The following CCDC150 variants were observed in gnomAD, a reference collection of about 807,000 sequenced individuals.
The protein encoded by CCDC150 is coiled-coil domain-containing protein 150.
In CCDC150, 151 loss-of-function variants were observed where a neutral mutation model predicts 156.5. That is an observed-to-expected ratio of 0.97 (90% CI 0.85 to 1.10). CCDC150 has a LOEUF of 1.10. CCDC150 is among the 50% of genes least tolerant of loss of function. The probability of loss-of-function intolerance (pLI) is 0.00; values close to 1 mark genes in which losing one functional copy is unlikely to be tolerated. For synonymous variants in CCDC150, 452 were observed against 429.4 expected (o/e 1.05, Z -0.65); for missense variants, 1,312 against 1,268.1 (o/e 1.03, Z -0.53).
At chr2:196,682,933 C>T (rs1694926222) in intron 13 of CCDC150, among the ~76,000 whole-genome samples, 1 of 151,888 alleles carries the variant, frequency 6.6e-6, no homozygotes, top group African/African-American at 2.4e-5. Flanking sequence ...GTCTCGAACT[C>T]CTGGGCTCTC....
rs552160594 is a variant in CCDC150, at chr2:196,711,638, C to A, written c.1696-507C>A. Among the ~76,000 whole-genome samples the A allele has an allele frequency of 2.2e-4, 33 of 152,162 alleles. 1 individual carries two copies. The South Asian group carries it at 6.9e-3, about 32-fold the overall frequency. The stretch of plus-strand genomic sequence containing the variant: ...TATGAATTAGTTTTAAAATATAATT[C>A]AACATATAAGAATTCCATTTATTCA... On this transcript the variant is annotated intron_variant, in intron 15 of 27. Transcript: ENST00000389175.
intron 13 of CCDC150, among the ~76,000 whole-genome samples, chr2:196,685,403 C>T (rs1226538409): frequency 6.6e-6 from 1 of 152,080 alleles, no homozygotes; most frequent in African/African-American, 2.4e-5. Flanking sequence ...AATCCAAACC[C>T]CATCAAAAAT....
chr2:196,669,961 CT>C, intron 8 of CCDC150, 85 bp downstream of exon 8: 2 of 946,966 alleles, frequency 2.1e-6, no homozygotes, highest in Non-Finnish European at 1.6e-6. Context: ...GCTTACAGTG[CT>C]TCTTACTCTC....
At position 196,732,494 on chromosome 2, in the gene CCDC150, C is replaced by T. The variant is rs747585654; in HGVS notation, c.3238C>T (p.Arg1080Ter). 4 of 1,613,668 alleles carry T rather than the reference C, an allele frequency of 2.5e-6. No individual in the cohort carries two copies. The highest frequency in any genetic ancestry group is 3.4e-6 in the Non-Finnish European group (4 of 1,179,734). The change falls in exon 28 of 28, where the codon CGA (arginine) becomes TGA (stop). Residue 1080 changes from arginine to a stop codon, truncating the protein, a stop_gained. Coordinates refer to ENST00000389175, the MANE Select transcript of CCDC150 (RefSeq NM_001080539.2). LOFTEE classifies it high-confidence loss of function. ...CATGTCCAACCAATCTGTTCTGCAT[C>T]GATGGGAGAGAAAACAGAATCTTAG... The part of the protein sequence containing the change: ...DVMSNQSVLH[R>*]WERKQNLRPM...
At chr2:196,681,140 C>T (rs966718441) in intron 13 of CCDC150, among the ~76,000 whole-genome samples, 1 of 152,176 alleles carries the variant, frequency 6.6e-6, no homozygotes, top group East Asian at 1.9e-4. Flanking sequence ...CCCCTGACAA[C>T]AACTAGTTGA....
At chr2:196,692,296 G>A (rs1258417444) in intron 13 of CCDC150, among the ~76,000 whole-genome samples, 9 of 150,548 alleles carry the variant, frequency 6.0e-5, no homozygotes, top group South Asian at 2.1e-4. Context: ...CACCGCGCCC[G>A]GCTAATTTTT....
intron 15 of CCDC150, 113 bp downstream of exon 15, chr2:196,701,293 GTC>G (rs1254273202): frequency 1.4e-6 from 1 of 738,964 alleles, no homozygotes; most frequent in Non-Finnish European, 2.2e-6. Context: ...TAAGTCTATA[GTC>G]TCTGAACATC....
chr2:196,673,706 A>T (rs1694336998), intron 9 of CCDC150, among the ~76,000 whole-genome samples: 1 of 152,190 alleles, frequency 6.6e-6, no homozygotes, highest in Non-Finnish European at 1.5e-5. Context: ...CAAATTATGA[A>T]AAGAGAATTA....
chr2:196,639,905 G>GAGGTCCAGGGAGT, intron 1 of CCDC150, 127 bp downstream of exon 1: 5 of 822,752 alleles, frequency 6.1e-6, no homozygotes, highest in Non-Finnish European at 8.5e-6. Flanking sequence ...CTCACTCCCT[G>GAGGTCCAGGGAGT]GACCTCAGGG....
At chr2:196,713,553 C>G (rs1697285608) in intron 17 of CCDC150, 1 of 1,550,088 alleles carries the variant, frequency 6.5e-7, no homozygotes. Flanking sequence ...ATTGGAGACT[C>G]TAGGATCTCT....
intron 17 of CCDC150, chr2:196,713,319 G>C (rs1697263409): frequency 7.0e-7 from 1 of 1,433,006 alleles, no homozygotes. Flanking sequence ...AATAACTCTA[G>C]GTTTAGCTGA....
chr2:196,713,254 G>A (rs953204868), intron 17 of CCDC150: 3 of 1,328,292 alleles, frequency 2.3e-6, no homozygotes, highest in African/African-American at 1.5e-5. Context: ...TTTCCATTAC[G>A]GCTCCTTCTA....
At chr2:196,669,134 C>CT (rs1694041979) in intron 7 of CCDC150, among the ~76,000 whole-genome samples, 1 of 152,132 alleles carries the variant, frequency 6.6e-6, no homozygotes, top group Admixed American at 6.5e-5. Context: ...GGTTTCAAAT[C>CT]TTTTTTTCTG....
At chr2:196,697,166 G>A (rs773812557) in intron 14 of CCDC150, among the ~76,000 whole-genome samples, 20 of 152,120 alleles carry the variant, frequency 1.3e-4, no homozygotes, top group Non-Finnish European at 2.4e-4. Context: ...TACATAATAG[G>A]TGCTTTAAAA....
rs185179541 is a variant in CCDC150, at chr2:196,688,376, C to A, written c.1510-6670C>A. Among the ~76,000 whole-genome samples, 225 of 152,208 alleles carry A rather than the reference C, an allele frequency of 1.5e-3. 1 individual carries two copies. The highest frequency in any genetic ancestry group is 2.0e-3 in the Non-Finnish European group (137 of 68,000). ...TTTGTGGCAACTGTGAATGGGAGTTCATTCATGATTTGGCTGTCAGCTTTA... is the reference window on the plus strand; with the variant it reads ...TTTGTGGCAACTGTGAATGGGAGTTAATTCATGATTTGGCTGTCAGCTTTA... On this transcript the variant is annotated intron_variant, in intron 13 of 27. Transcript: ENST00000389175.
intron 21 of CCDC150, among the ~76,000 whole-genome samples, chr2:196,725,399 A>G (rs973708310): frequency 6.6e-6 from 1 of 152,218 alleles, no homozygotes; most frequent in Non-Finnish European, 1.5e-5. Context: ...ATATTATTTC[A>G]GGCAATTCCA....
chr2:196,680,628 T>C (rs1694761540), intron 13 of CCDC150, among the ~76,000 whole-genome samples: 1 of 152,152 alleles, frequency 6.6e-6, no homozygotes, highest in Non-Finnish European at 1.5e-5. Context: ...AATTTCTCCA[T>C]TGGTGGGCTT....
At chr2:196,644,924 G>A (rs1030679420) in intron 1 of CCDC150, among the ~76,000 whole-genome samples, 3 of 151,082 alleles carry the variant, frequency 2.0e-5, no homozygotes, top group African/African-American at 7.3e-5. Flanking sequence ...AGACCAGCCT[G>A]GCCAACATGG....
At chr2:196,726,242 G>C in intron 22 of CCDC150, 143 bp downstream of exon 22, 1 of 869,366 alleles carries the variant, frequency 1.2e-6, no homozygotes, top group South Asian at 1.9e-5. Context: ...AGACCTCTCT[G>C]TAAAGCAACA....
Sources: gnomAD v4.1 joint callset for allele counts (sites outside exome capture counted in the v4.1 genomes callset) on GRCh38, gnomAD v4.1.1 for gene constraint, MANE v1.5 for transcripts, NCBI Gene and HGNC (gene_info 2026-07-23, HGNC 2026-07-21) for gene names.